PHACTR2: variants seen among roughly 807,000 people sequenced by gnomAD.
PHACTR2 encodes the protein phosphatase and actin regulator 2.
PHACTR2 carries 30 observed loss-of-function variants against 76.0 expected under a neutral mutation model. That is an observed-to-expected ratio of 0.39 (90% CI 0.30 to 0.54). The LOEUF is 0.54. Ranked by LOEUF, PHACTR2 falls within the 20% of genes least tolerant of loss-of-function variation. The probability of loss-of-function intolerance (pLI) is 0.61; values close to 1 mark genes in which losing one functional copy is unlikely to be tolerated. For synonymous variants in PHACTR2, 292 were observed against 292.5 expected, an observed-to-expected ratio of 1.00 and a Z score of 0.02; for missense variants, 696 against 781.1, an observed-to-expected ratio of 0.89 and a Z score of 1.30.
In PHACTR2 at chr6:143,731,374, G is replaced by A. The variant is rs1239818705; in HGVS notation, c.215-17611G>A. 2.0e-5 allele frequency among the ~76,000 whole-genome samples: 3 copies of A among 151,896 alleles called. No individual in the cohort carries two copies. Among genetic ancestry groups the A allele is most frequent in the Non-Finnish European group, 2.9e-5 (2 of 67,980 alleles). On this transcript the variant is annotated intron_variant, in intron 2 of 12. Coordinates refer to ENST00000440869, the MANE Select transcript of PHACTR2 (RefSeq NM_001100164.2). This position sits in a 1 kb window ranked among gnomAD's most constrained non-coding sequence, Gnocchi z 4.9. ...ACGGTCTTGGCTCACAGCAACCTCC[G>A]CCTCCCAGGTTCAAGTGATTCTCCT...
rs1213601648 is a variant in PHACTR2 at position 143,829,265 on chromosome 6, A to G, written c.*5576A>G. ...ATTGGTCATAATCCTTGTTACTGTCATGAGGATTGTTGCATGGGTTAAACA... is the reference window on the plus strand; with the variant it reads ...ATTGGTCATAATCCTTGTTACTGTCGTGAGGATTGTTGCATGGGTTAAACA... On this transcript the variant is annotated 3_prime_UTR_variant, in exon 13 of 13. Transcript: ENST00000440869. The G allele has an allele frequency of 7.6e-6, 1 of 130,784 alleles. No homozygotes were observed. The highest frequency in any genetic ancestry group is 3.0e-5 in the African/African-American group (1 of 33,058). 8.1% of individuals were successfully genotyped at this position (130,784 alleles called of 1,614,324 possible).
intron 1 of PHACTR2, among the ~76,000 whole-genome samples, chr6:143,638,001 T>C (rs1214265496): frequency 1.3e-5 from 2 of 152,204 alleles, no homozygotes; most frequent in African/African-American, 4.8e-5. Context: ...TAAGTGTCAG[T>C]CCACCACAAA....
chr6:143,772,156 C>G lies in PHACTR2; in HGVS notation c.1233-102C>G, dbSNP rs1775166557. 1 of 787,376 alleles carries G rather than the reference C, an allele frequency of 1.3e-6. No homozygotes were observed. Among genetic ancestry groups the G allele is most frequent in the East Asian group, 2.5e-5 (1 of 40,660 alleles). 48.8% of individuals were successfully genotyped at this position (787,376 alleles called of 1,614,324 possible). ...ATGTCAAGTGTCTGCTTTCCTCAGC[C>G]TGAAGGAAGCCCATGAAACTAGAGC... On this transcript the variant is annotated intron_variant, in intron 6 of 12. Transcript: ENST00000440869. This position sits in a 1 kb window ranked among gnomAD's most constrained non-coding sequence, Gnocchi z 5.4.
At chr6:143,796,403 CTTTCTTTCTTTCTTTG>C (rs927330865) in intron 11 of PHACTR2, among the ~76,000 whole-genome samples, 13 of 148,958 alleles carry the variant, frequency 8.7e-5, no homozygotes, top group South Asian at 4.5e-4. Flanking sequence ...TTCTTTCTTT[CTTTCTTTCTTTCTTTG>C]TTTTTATTAT....
At chr6:143,604,890 T>G (rs1203342574), upstream of PHACTR2, among the ~76,000 whole-genome samples, 4 of 62,360 alleles carry the variant, frequency 6.4e-5, no homozygotes, top group East Asian at 3.5e-4. Context: ...AGACTCCGTC[T>G]CAAAAAAAAA....
chr6:143,692,822 G>T (rs1417206531), intron 1 of PHACTR2, among the ~76,000 whole-genome samples: 3 of 152,192 alleles, frequency 2.0e-5, no homozygotes, highest in Non-Finnish European at 4.4e-5. Context: ...GTAAATGTCT[G>T]TACAGTATTC....
At chr6:143,660,522 G>A (rs1427563626) in intron 1 of PHACTR2, among the ~76,000 whole-genome samples, 3 of 152,162 alleles carry the variant, frequency 2.0e-5, no homozygotes, top group Non-Finnish European at 4.4e-5. Flanking sequence ...AGATTTGGGT[G>A]GGGACACAGC....
intron 1 of PHACTR2, among the ~76,000 whole-genome samples, chr6:143,644,558 A>G (rs1321038885): frequency 6.0e-5 from 9 of 151,018 alleles, no homozygotes. Flanking sequence ...ATTTGGACTC[A>G]TGTATATTTT....
chr6:143,629,624 C>T (rs1776325722), intron 1 of PHACTR2, among the ~76,000 whole-genome samples: 1 of 152,146 alleles, frequency 6.6e-6, no homozygotes. Flanking sequence ...TATGCTCCAC[C>T]GTGTAGGTGG....
In PHACTR2 at chr6:143,654,322, C is replaced by T. The variant is rs1003680956; in HGVS notation, c.13+46000C>T. On this transcript the variant is annotated intron_variant, in intron 1 of 11. Coordinates refer to the PHACTR2 transcript ENST00000305766. This position sits in a 1 kb window ranked among gnomAD's most constrained non-coding sequence, Gnocchi z 4.6. ...ATCAATCATAGAGTTACCATATGAACAGCAATTCTACTTCTAGGTATATAC... is the reference window on the plus strand; with the variant it reads ...ATCAATCATAGAGTTACCATATGAATAGCAATTCTACTTCTAGGTATATAC... 2.0e-5 allele frequency among the ~76,000 whole-genome samples: 3 copies of T among 152,142 alleles called. No homozygotes were observed. The highest frequency in any genetic ancestry group is 4.4e-5 in the Non-Finnish European group (3 of 68,034).
At chr6:143,644,603 G>T (rs1776625618) in intron 1 of PHACTR2, among the ~76,000 whole-genome samples, 1 of 151,074 alleles carries the variant, frequency 6.6e-6, no homozygotes. Flanking sequence ...TTGACTCTAA[G>T]ATGTAATACT....
At chr6:143,699,190 T>C (rs912327993) in intron 1 of PHACTR2, among the ~76,000 whole-genome samples, 1 of 152,092 alleles carries the variant, frequency 6.6e-6, no homozygotes, top group African/African-American at 2.4e-5. Context: ...ACCCCAAATC[T>C]CGCTATGACC....
At chr6:143,606,478 T>A (rs549397772), upstream of PHACTR2, among the ~76,000 whole-genome samples, 1 of 152,216 alleles carries the variant, frequency 6.6e-6, no homozygotes, top group Non-Finnish European at 1.5e-5. Context: ...TAAAAATGAC[T>A]GAGAGTCAGA....
rs542450926 is a variant in PHACTR2 at position 143,823,919 on chromosome 6, C to A, written c.*230C>A. On this transcript the variant is annotated 3_prime_UTR_variant, in exon 13 of 13. Transcript: ENST00000440869. The surrounding 1 kb of genome is among the most constrained non-coding windows in gnomAD (Gnocchi z 5.7). ...GACTCTTGCTGCCCAGAATGCACAG[C>A]GATGGTAAGAGACACCGTGGATATT... is the stretch of plus-strand genomic sequence containing the variant. 6.2e-5 allele frequency: 27 copies of A among 437,350 alleles called. No individual in the cohort carries two copies. The South Asian group carries it at 6.6e-4, about 11-fold the overall frequency. The allele number at this position is 437,350 out of a possible 1,614,324, so 27.1% of individuals were successfully genotyped here. A position where few individuals can be genotyped will look rare whatever the true frequency, so the allele number is the denominator to read the frequency against.
rs572531711 is a variant in PHACTR2 at position 143,646,419 on chromosome 6, G to T, written c.13+38097G>T. 1.3e-5 allele frequency among the ~76,000 whole-genome samples: 2 copies of T among 152,214 alleles called. No homozygotes were observed. Among genetic ancestry groups the T allele is most frequent in the South Asian group, 4.1e-4 (2 of 4,820 alleles). ...ATTCAGTAGCTCTCAAATATCCATAGTATGAGTGACAGACCTGTAAAATCT... is the reference window on the plus strand; with the variant it reads ...ATTCAGTAGCTCTCAAATATCCATATTATGAGTGACAGACCTGTAAAATCT... On this transcript the variant is annotated intron_variant, in intron 1 of 11. Transcript: ENST00000305766. The surrounding 1 kb of genome is among the most constrained non-coding windows in gnomAD (Gnocchi z 4.1).
rs1254886424 is a variant in PHACTR2 at position 143,816,487 on chromosome 6, C to T, written c.1923-7187C>T. ...TTCTGGTTGTTACTTTTTACCGAAT[C>T]TGGGCAATCTATCTAAAGAGGGGTC... On this transcript the variant is annotated intron_variant, in intron 12 of 12. Coordinates refer to ENST00000440869, the MANE Select transcript of PHACTR2 (RefSeq NM_001100164.2). The surrounding 1 kb of genome is among the most constrained non-coding windows in gnomAD (Gnocchi z 4.5). Among the ~76,000 whole-genome samples the T allele has an allele frequency of 1.3e-5, 2 of 152,106 alleles. No homozygotes were observed. Among genetic ancestry groups the T allele is most frequent in the Non-Finnish European group, 2.9e-5 (2 of 68,028 alleles).
In PHACTR2 at chr6:143,539,881, A is replaced by C. The variant is rs1227965006; in HGVS notation, c.217+2674A>C. Among the ~76,000 whole-genome samples, 2 of 152,208 alleles carry C rather than the reference A, an allele frequency of 1.3e-5. No homozygotes were observed. Among genetic ancestry groups the C allele is most frequent in the Non-Finnish European group, 2.9e-5 (2 of 68,034 alleles). On this transcript the variant is annotated intron_variant, in intron 1 of 11. Coordinates refer to the PHACTR2 transcript ENST00000367584. The surrounding 1 kb of genome is among the most constrained non-coding windows in gnomAD (Gnocchi z 4.3). The stretch of plus-strand genomic sequence containing the variant: ...CACGTAGGAATTGCTTGGGGAGTTA[A>C]CAACGAAGCAACCTGTGGCTGGGTC...
intron 12 of PHACTR2, among the ~76,000 whole-genome samples, chr6:143,813,592 T>TGG (rs1380020141): frequency 1.7e-5 from 2 of 120,328 alleles, no homozygotes; most frequent in East Asian, 4.7e-4. Flanking sequence ...CACTCCAGCC[T>TGG]GGGCAACAGA....
chr6:143,693,527 C>T (rs534773672), intron 1 of PHACTR2, among the ~76,000 whole-genome samples: 265 of 152,298 alleles, frequency 1.7e-3, no homozygotes, highest in African/African-American at 5.9e-3. Context: ...CATGAGCCAC[C>T]GTGCCCAGCC....
Sources: gnomAD v4.1 joint callset for allele counts (sites outside exome capture counted in the v4.1 genomes callset) on GRCh38, gnomAD v4.1.1 for gene constraint, Gnocchi (gnomAD v3.1) non-coding constraint, MANE v1.5 for transcripts, NCBI Gene and HGNC (gene_info 2026-07-23, HGNC 2026-07-21) for gene names.